MYL12A: variants seen among roughly 807,000 people sequenced by gnomAD.
MYL12A encodes the protein myosin regulatory light chain 12A.
In MYL12A, 11 loss-of-function variants were observed where a neutral mutation model predicts 13.3. That is an observed-to-expected ratio of 0.83 (90% CI 0.52 to 1.37). The LOEUF is 1.37. Ranked by LOEUF, MYL12A falls within the 40% of genes most tolerant of loss-of-function variation. The probability of loss-of-function intolerance (pLI) is 0.00; values close to 1 mark genes in which losing one functional copy is unlikely to be tolerated. For missense variants in MYL12A, 146 were observed against 212.3 expected (o/e 0.69, Z 1.94); for synonymous variants, 51 against 69.9 (o/e 0.73, Z 1.35).
intron 3 of MYL12A, 158 bp from the exon 4 acceptor site, chr18:3,255,588 C>A: frequency 1.1e-6 from 1 of 889,106 alleles, no homozygotes; most frequent in Non-Finnish European, 1.6e-6. Context: ...AGGCACTTCT[C>A]TGCTGAGGCT....
chr18:3,248,175 C>T (rs1257679789), intron 1 of MYL12A: 3 of 152,382 alleles, frequency 2.0e-5, no homozygotes, highest in Admixed American at 6.5e-5. Context: ...CGAAACCCGA[C>T]CCCTGCAGAG....
chr18:3,248,780 G>C (rs1567982584), intron 1 of MYL12A: 1 of 152,332 alleles, frequency 6.6e-6, no homozygotes, highest in Non-Finnish European at 1.5e-5. Context: ...GAACTTTTGG[G>C]TGTGGCAGTC....
At chr18:3,253,511 G>A in intron 2 of MYL12A, 83 bp downstream of exon 2, 1 of 1,491,382 alleles carries the variant, frequency 6.7e-7, no homozygotes, top group Non-Finnish European at 9.2e-7. Flanking sequence ...TTAAAGCTCT[G>A]TAAAGCCTGT....
chr18:3,253,850 G>A (rs1010088141), intron 2 of MYL12A, 39 bp from the exon 3 acceptor site: 13 of 1,553,308 alleles, frequency 8.4e-6, no homozygotes, highest in Admixed American at 7.7e-5. Flanking sequence ...GATATGTATT[G>A]TAATGTAATT....
At chr18:3,247,738 C>T (rs979580199), upstream of MYL12A, 3 of 152,300 alleles carry the variant, frequency 2.0e-5, no homozygotes, top group Non-Finnish European at 4.4e-5. Flanking sequence ...TCTGTCGCCC[C>T]TCCGTGAAGT....
At chr18:3,247,740 C>T (rs2081442545), upstream of MYL12A, 1 of 152,300 alleles carries the variant, frequency 6.6e-6, no homozygotes, top group South Asian at 2.1e-4. Context: ...TGTCGCCCCT[C>T]CGTGAAGTCA....
chr18:3,252,286 G>C (rs756281782), intron 1 of MYL12A: 8 of 1,522,254 alleles, frequency 5.3e-6, no homozygotes, highest in Admixed American at 2.0e-5. Flanking sequence ...CTGCTGAGCG[G>C]TTTTGCAGAC....
rs745597018 is a variant in MYL12A at position 3,255,742 on chromosome 18, C to T, written c.344-4C>T. 9.3e-6 allele frequency: 15 copies of T among 1,610,520 alleles called. No homozygotes were observed. Among genetic ancestry groups the T allele is most frequent in the East Asian group, 6.7e-5 (3 of 44,868 alleles). ...ATTCTGATCCCTTGTTCTTTATTCT[C>T]CAGGCACCATACAGGAAGATTACTT... On this transcript the variant is annotated splice_polypyrimidine_tract_variant and splice_region_variant and intron_variant, in intron 3 of 3. Transcript: ENST00000217652.
intron 1 of MYL12A, 57 bp from the exon 2 acceptor site, chr18:3,253,176 A>G (rs1245527632): frequency 6.6e-7 from 1 of 1,524,096 alleles, no homozygotes; most frequent in African/African-American, 1.4e-5. Flanking sequence ...TTTTGATTCA[A>G]ACTTAAGTAA....
At chr18:3,253,855 G>A in intron 2 of MYL12A, 34 bp from the exon 3 acceptor site, 2 of 1,563,806 alleles carry the variant, frequency 1.3e-6, no homozygotes, top group South Asian at 1.2e-5. Context: ...GTATTGTAAT[G>A]TAATTAAAAT....
chr18:3,251,573 G>A (rs956478476), intron 1 of MYL12A, among the ~76,000 whole-genome samples: 3 of 152,184 alleles, frequency 2.0e-5, no homozygotes, highest in Non-Finnish European at 4.4e-5. Flanking sequence ...GTACATTTAA[G>A]AATTGGAGGA....
At chr18:3,249,060 A>G (rs926975917) in intron 1 of MYL12A, among the ~76,000 whole-genome samples, 2 of 152,160 alleles carry the variant, frequency 1.3e-5, no homozygotes, top group African/African-American at 2.4e-5. Context: ...AATGTGTGAT[A>G]TTTCTCAGAA....
chr18:3,253,604 G>A (rs2144330312), intron 2 of MYL12A, 176 bp downstream of exon 2: 1 of 844,752 alleles, frequency 1.2e-6, no homozygotes, highest in Non-Finnish European at 1.8e-6. Context: ...CCTGTCTTAG[G>A]ATTGGGTTGG....
At chr18:3,250,366 A>G (rs999432456) in intron 1 of MYL12A, among the ~76,000 whole-genome samples, 5 of 147,804 alleles carry the variant, frequency 3.4e-5, no homozygotes, top group Admixed American at 2.0e-4. Context: ...AACAAACTAG[A>G]ATCAGCAAAG....
At chr18:3,255,486 C>G (rs1423971748) in intron 3 of MYL12A, 2 of 363,146 alleles carry the variant, frequency 5.5e-6, no homozygotes, top group Non-Finnish European at 9.8e-6. Flanking sequence ...TTTAGTCTCT[C>G]TTATCAAGAG....
chr18:3,255,868 A>C lies in MYL12A; in HGVS notation c.466A>C (p.Ile156Leu). The C allele has an allele frequency of 6.2e-7, 1 of 1,614,170 alleles. No homozygotes were observed. Among genetic ancestry groups the C allele is most frequent in the Non-Finnish European group, 8.5e-7 (1 of 1,180,010 alleles). ...PIDKKGNFNYIEFTRILKHGA... is the reference protein window; with the variant it reads ...PIDKKGNFNYLEFTRILKHGA... ...TGATAAAAAGGGGAATTTCAATTAC[A>C]TCGAGTTCACACGCATCCTGAAACA... is the stretch of plus-strand genomic sequence containing the variant. Residue 156 changes from isoleucine to leucine, a missense_variant, in exon 4 of 4, where the codon ATC becomes CTC. By Grantham distance (5) the Ile-to-Leu change is conservative. Transcript: ENST00000217652.
intron 1 of MYL12A, among the ~76,000 whole-genome samples, chr18:3,250,537 C>T (rs181517609): frequency 3.9e-5 from 6 of 152,332 alleles, no homozygotes; most frequent in African/African-American, 1.4e-4. Flanking sequence ...CAGCCAAACT[C>T]CCTATCGCTG....
chr18:3,254,156 A>C, intron 3 of MYL12A, 106 bp downstream of exon 3: 1 of 1,295,402 alleles, frequency 7.7e-7, no homozygotes, highest in Non-Finnish European at 1.1e-6. Flanking sequence ...TTTGTACTAC[A>C]CCTATTTTTT....
chr18:3,254,745 A>G (rs888730722), intron 3 of MYL12A, among the ~76,000 whole-genome samples: 1 of 152,286 alleles, frequency 6.6e-6, no homozygotes, highest in African/African-American at 2.4e-5. Flanking sequence ...ATCCTTTGGC[A>G]GAAGTGTATG....
Sources: gnomAD v4.1 joint callset for allele counts (sites outside exome capture counted in the v4.1 genomes callset) on GRCh38, gnomAD v4.1.1 for gene constraint, MANE v1.5 for transcripts, NCBI Gene and HGNC (gene_info 2026-07-23, HGNC 2026-07-21) for gene names.